DLG3: variants seen among roughly 807,000 people sequenced by gnomAD.
DLG3 encodes disks large homolog 3.
In DLG3, 1 loss-of-function variant was observed where a neutral mutation model predicts 64.1. That is an observed-to-expected ratio of 0.02 (90% CI 0.01 to 0.07). The LOEUF (loss-of-function observed/expected upper bound fraction) is 0.07, where lower values mean the gene tolerates loss of function less well. Ranked by LOEUF, DLG3 falls within the 10% of genes least tolerant of loss-of-function variation. DLG3 has a pLI of 1.00. For synonymous variants in DLG3, 245 were observed against 259.8 expected, an observed-to-expected ratio of 0.94 and a Z score of 0.55; for missense variants, 429 against 669.5, an observed-to-expected ratio of 0.64 and a Z score of 3.96.
intron 12 of DLG3, among the ~76,000 whole-genome samples, chrX:70,494,955 T>A (rs1297952622): frequency 8.9e-6 from 1 of 112,475 alleles, no homozygotes; most frequent in Non-Finnish European, 1.9e-5. Context: ...ACATTTGCTC[T>A]TTCACGCACT....
chrX:70,474,786 G>A (rs187464158), intron 9 of DLG3, among the ~76,000 whole-genome samples: 1 of 111,447 alleles, frequency 9.0e-6, no homozygotes, highest in African/African-American at 3.3e-5. Context: ...CTTTACTTTT[G>A]CATAACCAAA....
intron 9 of DLG3, among the ~76,000 whole-genome samples, chrX:70,461,370 G>A (rs561228118): frequency 9.0e-6 from 1 of 111,512 alleles, no homozygotes; most frequent in Admixed American, 9.6e-5. Context: ...GTTTTGCTTC[G>A]TCCCCTGATT....
Position 70,450,800 on chromosome X carries a change from C to T in DLG3, c.985+17C>T. 2 of 1,211,458 alleles carry T rather than the reference C, an allele frequency of 1.7e-6. No individual in the cohort carries two copies. Among genetic ancestry groups the T allele is most frequent in the Non-Finnish European group, 2.2e-6 (2 of 895,171 alleles). ...ACGCCAGCAGTACGTACTCATCAGC[C>T]CCTGTCCCTGGTCTAAAGCTCTGTC... On this transcript the variant is annotated intron_variant, in intron 6 of 18. Coordinates refer to ENST00000374360, the MANE Select transcript of DLG3 (RefSeq NM_021120.4).
Position 70,500,007 on chromosome X carries a change from C to T in DLG3, c.2103C>T (p.Leu701=), listed in dbSNP as rs1219680467. The T allele has an allele frequency of 8.3e-7, 1 of 1,209,328 alleles. No individual in the cohort carries two copies. Among genetic ancestry groups the T allele is most frequent in the African/African-American group, 1.8e-5 (1 of 57,019 alleles). The change falls in exon 16 of 19, where the codon CTC becomes CTT. Residue 701 remains leucine, a synonymous_variant. Coordinates refer to ENST00000374360, the MANE Select transcript of DLG3 (RefSeq NM_021120.4). ...FIEAGQFNDN[L]YGTSIQSVRA... ...AGGCGGGCCAATTTAATGATAACCT[C>T]TATGGGACCAGCATCCAGTCAGTGC...
chrX:70,470,816 G>A (rs2086956815), intron 9 of DLG3, among the ~76,000 whole-genome samples: 1 of 111,843 alleles, frequency 8.9e-6, no homozygotes, highest in Non-Finnish European at 1.9e-5. Context: ...TGGAAGCAGA[G>A]GCTTAGAGGA....
At chrX:70,450,094 G>A (rs865859838) in intron 4 of DLG3, 75 bp from the exon 5 acceptor site, 26 of 1,171,351 alleles carry the variant, frequency 2.2e-5, no homozygotes, top group Middle Eastern at 4.9e-4. Context: ...TGGGGGAGGG[G>A]GTTTGGATTT....
At chrX:70,448,566 G>A in intron 1 of DLG3, 1 of 1,163,046 alleles carries the variant, frequency 8.6e-7, no homozygotes, top group Non-Finnish European at 1.1e-6. Flanking sequence ...CTCCATCTCT[G>A]CCATCCCCCT....
rs1273143121 is a variant in DLG3 at position 70,445,562 on chromosome X, T to C, written c.357+4T>C. Reference sequence around the variant, plus strand: ...CAACCGGGACTGGTATGAGCAGGTATGGACCAGCGGAGGGGGGAGCGGTGG... The same window carrying C: ...CAACCGGGACTGGTATGAGCAGGTACGGACCAGCGGAGGGGGGAGCGGTGG... On this transcript the variant is annotated splice_donor_region_variant and intron_variant, in intron 1 of 18. Coordinates refer to ENST00000374360, the MANE Select transcript of DLG3 (RefSeq NM_021120.4). The C allele has an allele frequency of 7.7e-6, 9 of 1,174,244 alleles. No individual in the cohort carries two copies. The highest frequency in any genetic ancestry group is 9.1e-6 in the Non-Finnish European group (8 of 876,346).
chrX:70,456,254 G>T (rs2086705745), intron 9 of DLG3, among the ~76,000 whole-genome samples: 1 of 112,873 alleles, frequency 8.9e-6, no homozygotes, highest in Non-Finnish European at 1.9e-5. Context: ...CTAACCGTCT[G>T]ATTTTTATTA....
At chrX:70,475,825 G>T (rs761758525) in intron 9 of DLG3, among the ~76,000 whole-genome samples, 1 of 111,868 alleles carries the variant, frequency 8.9e-6, no homozygotes, top group Non-Finnish European at 1.9e-5. Context: ...ATAAGACTGT[G>T]GCATCTTTAG....
Position 70,499,213 on chromosome X carries a change from G to A in DLG3, c.1908G>A (p.Met636Ile). Residue 636 changes from methionine (M) to isoleucine (I), a missense_variant, in exon 15 of 19, where the codon ATG becomes ATA. Transcript: ENST00000374360. Reference protein sequence around the residue: ...YARPVIILGPMKDRVNDDLIS... With the variant: ...YARPVIILGPIKDRVNDDLIS... The stretch of plus-strand genomic sequence containing the variant: ...GGCCTGTGATCATCCTGGGCCCAAT[G>A]AAGGACCGAGTCAATGATGACCTGA... The A allele has an allele frequency of 1.7e-6, 2 of 1,210,544 alleles. No homozygotes were observed. The highest frequency in any genetic ancestry group is 2.2e-6 in the Non-Finnish European group (2 of 894,853).
chrX:70,484,855 T>TA (rs780119972), intron 10 of DLG3, among the ~76,000 whole-genome samples: 62 of 111,999 alleles, frequency 5.5e-4, no homozygotes, highest in African/African-American at 2.0e-3. Context: ...TTCTTCAAGA[T>TA]ACACCAGGGA....
intron 10 of DLG3, among the ~76,000 whole-genome samples, chrX:70,491,644 C>T (rs2087360385): frequency 8.9e-6 from 1 of 112,486 alleles, no homozygotes; most frequent in Non-Finnish European, 1.9e-5. Flanking sequence ...TGCCCGAGGA[C>T]ATAGGGCCCT....
chrX:70,484,703 C>G (rs1398277646), intron 10 of DLG3, among the ~76,000 whole-genome samples: 1 of 112,106 alleles, frequency 8.9e-6, no homozygotes, highest in African/African-American at 3.2e-5. Context: ...CTATCATCTG[C>G]AAGTGCTGTG....
At chrX:70,485,496 C>T (rs1214150798) in intron 10 of DLG3, among the ~76,000 whole-genome samples, 6 of 111,400 alleles carry the variant, frequency 5.4e-5, no homozygotes, top group Non-Finnish European at 1.9e-5. Flanking sequence ...AGGGGACTGA[C>T]GGAGCATCTC....
chrX:70,500,169 C>T (rs969470896), intron 16 of DLG3, 120 bp downstream of exon 16: 2 of 619,246 alleles, frequency 3.2e-6, no homozygotes, highest in African/African-American at 4.4e-5. Flanking sequence ...AGCCATAGCA[C>T]ATCTGCATAC....
In DLG3 at chrX:70,502,093, G is replaced by A. The variant is rs73634831; in HGVS notation, c.2348-70G>A. 2,993 of 798,136 alleles carry A rather than the reference G, an allele frequency of 3.7e-3. 57 individuals are homozygous for A. The African/African-American group carries it at 0.056, about 15-fold the overall frequency. 65.8% of individuals were successfully genotyped at this position (798,136 alleles called of 1,213,427 possible). ...GGGGACTTGTAGGATTGTTGGGAGAGGCAGGATTGCTGGGTTTGGGGGATG... is the reference window on the plus strand; with the variant it reads ...GGGGACTTGTAGGATTGTTGGGAGAAGCAGGATTGCTGGGTTTGGGGGATG... On this transcript the variant is annotated intron_variant, in intron 18 of 18. Transcript: ENST00000374360.
At chrX:70,496,144 G>A (rs1350582330) in intron 13 of DLG3, among the ~76,000 whole-genome samples, 1 of 112,659 alleles carries the variant, frequency 8.9e-6, no homozygotes, top group Admixed American at 9.3e-5. Context: ...AGGCCTTAGT[G>A]GCCATCCTGC....
At chrX:70,456,435 G>A (rs2086708586) in intron 9 of DLG3, among the ~76,000 whole-genome samples, 1 of 112,227 alleles carries the variant, frequency 8.9e-6, no homozygotes, top group South Asian at 3.7e-4. Context: ...ATTGTGTGTG[G>A]TGGGGGTATG....
Sources: allele counts gnomAD v4.1 joint callset (sites outside exome capture counted in the v4.1 genomes callset), GRCh38; gene constraint gnomAD v4.1.1; transcripts MANE v1.5; gene names NCBI Gene and HGNC (gene_info 2026-07-23, HGNC 2026-07-21).